MAPK10: variants seen among roughly 807,000 people sequenced by gnomAD.
MAPK10 encodes the protein mitogen-activated protein kinase 10.
Under a neutral mutation model 59.3 loss-of-function variants are expected in MAPK10, and 25 were observed. The ratio of observed to expected loss-of-function variants is 0.42; its 90% CI spans 0.31 to 0.59. The LOEUF is 0.59. Among genes scored for constraint, MAPK10 ranks in the 20% least tolerant of loss-of-function variants. The pLI is 0.15. For synonymous variants in MAPK10, 190 were observed against 200.5 expected (o/e 0.95, Z 0.44); for missense variants, 351 against 568.9 (o/e 0.62, Z 3.90).
At chr4:86,558,317 A>G (rs1386562052) in intron 1 of MAPK10, among the ~76,000 whole-genome samples, 1 of 152,166 alleles carries the variant, frequency 6.6e-6, no homozygotes, top group East Asian at 1.9e-4. Context: ...TATTCCATCA[A>G]ATTCAGTGCT....
intron 9 of MAPK10, among the ~76,000 whole-genome samples, chr4:86,075,667 T>C (rs1212998707): frequency 2.6e-5 from 4 of 151,916 alleles, no homozygotes; most frequent in African/African-American, 9.7e-5. Flanking sequence ...GAGGTGGCAG[T>C]GTGCCCCTGC....
intron 2 of MAPK10, among the ~76,000 whole-genome samples, chr4:86,202,139 T>G (rs17011467): frequency 0.085 from 12,896 of 151,984 alleles, 1,211 homozygotes; most frequent in African/African-American, 0.23. Context: ...TTATTTGTAA[T>G]CATTCATGGG....
chr4:86,371,230 CATT>C (rs1410175371), intron 1 of MAPK10, among the ~76,000 whole-genome samples: 6 of 128,466 alleles, frequency 4.7e-5, no homozygotes, highest in Admixed American at 2.4e-4. Context: ...TTAATATCAT[CATT>C]ATTTTAGCTA....
chr4:86,353,681 T>C (rs1237739215), intron 2 of MAPK10, among the ~76,000 whole-genome samples: 1 of 152,168 alleles, frequency 6.6e-6, no homozygotes, highest in African/African-American at 2.4e-5. Context: ...TCATAGGCTG[T>C]GCATTAATTC....
chr4:86,533,915 C>T (rs1758032742), intron 1 of MAPK10, among the ~76,000 whole-genome samples: 1 of 152,216 alleles, frequency 6.6e-6, no homozygotes, highest in Non-Finnish European at 1.5e-5. Flanking sequence ...AACCAATCCC[C>T]TCCAATGTCC....
intron 1 of MAPK10, among the ~76,000 whole-genome samples, chr4:86,414,541 C>T (rs973564472): frequency 3.3e-5 from 5 of 152,170 alleles, no homozygotes; most frequent in African/African-American, 1.2e-4. Flanking sequence ...GAGTAGTGTA[C>T]AGCCAAAATA....
intron 1 of MAPK10, among the ~76,000 whole-genome samples, chr4:86,406,850 G>A (rs924327441): frequency 2.6e-5 from 4 of 152,188 alleles, no homozygotes; most frequent in Non-Finnish European, 5.9e-5. Context: ...GGCAGGCTGG[G>A]CAGGAAAACT....
rs565104256 is a variant in MAPK10 at position 86,271,760 on chromosome 4, G to C, written c.-6-77353C>G. On this transcript the variant is annotated intron_variant, in intron 2 of 13. Coordinates refer to ENST00000641462, the MANE Select transcript of MAPK10 (RefSeq NM_138982.4). ...AGCAAAGAGAAGTTCCAAGCAAAAG[G>C]GGGGAAAAGCCCCTATAAAAACATC... Among the ~76,000 whole-genome samples, 111 of 152,002 alleles carry C rather than the reference G, an allele frequency of 7.3e-4. 1 individual carries two copies. Among genetic ancestry groups the C allele is most frequent in the African/African-American group, 2.7e-3 (110 of 41,496 alleles).
intron 3 of MAPK10, among the ~76,000 whole-genome samples, chr4:86,163,297 G>C (rs1050176761): frequency 8.6e-5 from 13 of 152,006 alleles, no homozygotes; most frequent in African/African-American, 3.1e-4. Context: ...GTTTTGAAAG[G>C]TTCAGAGCAT....
chr4:86,128,170 T>A (rs1406553835), intron 4 of MAPK10, among the ~76,000 whole-genome samples: 1 of 152,092 alleles, frequency 6.6e-6, no homozygotes, highest in Non-Finnish European at 1.5e-5. Context: ...AATGAATAAT[T>A]TTTTTAGTTA....
chr4:86,507,648 ATATATATATATATATATATAT>A (rs1755873258), intron 1 of MAPK10, among the ~76,000 whole-genome samples: 1 of 93,692 alleles, frequency 1.1e-5, no homozygotes, highest in African/African-American at 4.3e-5. Flanking sequence ...ATATATATAT[ATATATATATATATATATATAT>A]ATAAAATCAT....
At chr4:86,288,497 G>A (rs1231680819) in intron 2 of MAPK10, among the ~76,000 whole-genome samples, 1 of 152,008 alleles carries the variant, frequency 6.6e-6, no homozygotes, top group East Asian at 1.9e-4. Context: ...CCAGAGATGG[G>A]CTGTATTGTA....
At chr4:86,172,826 G>T (rs1428869069) in intron 3 of MAPK10, among the ~76,000 whole-genome samples, 4 of 149,498 alleles carry the variant, frequency 2.7e-5, no homozygotes, top group African/African-American at 4.9e-5. Flanking sequence ...CCAACAATAG[G>T]CAAGCAGAGG....
chr4:86,305,938 C>A (rs2095560007), intron 2 of MAPK10, among the ~76,000 whole-genome samples: 1 of 151,796 alleles, frequency 6.6e-6, no homozygotes, highest in African/African-American at 2.4e-5. Flanking sequence ...AATATTATCA[C>A]AATTTAAAAT....
At chr4:86,441,384 G>A (rs1313319479) in intron 1 of MAPK10, among the ~76,000 whole-genome samples, 1 of 152,112 alleles carries the variant, frequency 6.6e-6, no homozygotes, top group Non-Finnish European at 1.5e-5. Context: ...AGTAACTCAC[G>A]CTTCAACAGT....
At chr4:86,115,401 G>A (rs2058148528) in intron 4 of MAPK10, among the ~76,000 whole-genome samples, 1 of 151,942 alleles carries the variant, frequency 6.6e-6, no homozygotes, top group Non-Finnish European at 1.5e-5. Flanking sequence ...ACCTGGATAC[G>A]TCAGTTGATG....
chr4:86,242,492 G>A lies in MAPK10; in HGVS notation c.-6-48085C>T, dbSNP rs570014876. On this transcript the variant is annotated intron_variant, in intron 2 of 13. Coordinates refer to ENST00000641462, the MANE Select transcript of MAPK10 (RefSeq NM_138982.4). Reference sequence around the variant, plus strand: ...TGCAGAGACTGCAGCCGCCCCTCCCGCTAGGGGCTCAGGCCCAGGGAGATC... The same window carrying A: ...TGCAGAGACTGCAGCCGCCCCTCCCACTAGGGGCTCAGGCCCAGGGAGATC... Among the ~76,000 whole-genome samples, 38 of 152,282 alleles carry A rather than the reference G, an allele frequency of 2.5e-4. No homozygotes were observed. The East Asian group carries it at 6.4e-3, about 26-fold the overall frequency.
chr4:86,316,267 A>T (rs1054211393), intron 2 of MAPK10, among the ~76,000 whole-genome samples: 1 of 152,202 alleles, frequency 6.6e-6, no homozygotes, highest in African/African-American at 2.4e-5. Flanking sequence ...TAATATTCAC[A>T]TCTGAAAAAA....
At chr4:86,494,903 A>G (rs73838908) in intron 1 of MAPK10, among the ~76,000 whole-genome samples, 423 of 149,742 alleles carry the variant, frequency 2.8e-3, no homozygotes, top group African/African-American at 9.9e-3. Context: ...TTATGTATCA[A>G]TAACTAAATA....
Sources: allele counts gnomAD v4.1 joint callset (sites outside exome capture counted in the v4.1 genomes callset), GRCh38; gene constraint gnomAD v4.1.1; transcripts MANE v1.5; gene names NCBI Gene and HGNC (gene_info 2026-07-23, HGNC 2026-07-21).